Variants in C19orf47 observed in about 807,000 individuals in gnomAD.
C19orf47 encodes uncharacterized protein C19orf47.
A neutral mutation model predicts 32.3 loss-of-function variants in C19orf47; 18 were observed. The ratio of observed to expected loss-of-function variants is 0.56; its 90% CI spans 0.39 to 0.83. The LOEUF (loss-of-function observed/expected upper bound fraction) is 0.83. C19orf47 is among the 40% of genes least tolerant of loss of function. The probability of loss-of-function intolerance (pLI) is 0.00; values close to 1 mark genes in which losing one functional copy is unlikely to be tolerated. For missense variants in C19orf47, 484 were observed against 531.6 expected (o/e 0.91, Z 0.88); for synonymous variants, 202 against 211.1 (o/e 0.96, Z 0.37).
At chr19:40,328,649 CTGAA>C (rs2077886210) in intron 5 of C19orf47, 99 bp from the exon 6 acceptor site, 1 of 1,442,570 alleles carries the variant, frequency 6.9e-7, no homozygotes, top group African/African-American at 1.4e-5. Flanking sequence ...AGGCTTGAGA[CTGAA>C]TGAGAAGGTC....
At chr19:40,309,282 C>T in the C19orf47 span, among the ~76,000 whole-genome samples, 1 of 151,480 alleles carries the variant, frequency 6.6e-6, no homozygotes, top group Non-Finnish European at 1.5e-5. Context: ...ACCTCCAACT[C>T]CCAGGTTCAA....
At chr19:40,295,162 C>G in the C19orf47 span, among the ~76,000 whole-genome samples, 1 of 152,200 alleles carries the variant, frequency 6.6e-6, no homozygotes, top group South Asian at 2.1e-4. Context: ...GCTGGGATTA[C>G]AGGTGCCTGC....
At chr19:40,293,309 C>A in the C19orf47 span, among the ~76,000 whole-genome samples, 2 of 151,264 alleles carry the variant, frequency 1.3e-5, no homozygotes, top group African/African-American at 2.4e-5. Flanking sequence ...CCACGCCTGG[C>A]CAATTTTTAT....
intron 4 of C19orf47, among the ~76,000 whole-genome samples, chr19:40,335,097 G>A (rs1407025344): frequency 6.6e-6 from 1 of 151,920 alleles, no homozygotes; most frequent in Non-Finnish European, 1.5e-5. Context: ...GCAGGCCACA[G>A]CAAGTGCTTG....
Position 40,319,774 on chromosome 19 carries a change from G to C in C19orf47, c.*2108C>G, listed in dbSNP as rs2077690932. The C allele has an allele frequency of 6.5e-6, 1 of 153,608 alleles. No homozygotes were observed. Among genetic ancestry groups the C allele is most frequent in the Non-Finnish European group, 1.5e-5 (1 of 68,098 alleles). The allele number at this position is 153,608 out of a possible 1,614,324, so 9.5% of individuals were successfully genotyped here. A position where few individuals can be genotyped will look rare whatever the true frequency, so the allele number is the denominator to read the frequency against. Reference sequence around the variant, plus strand: ...GCTGGTCTCGAACTCCTGACCTTGTGATCCACCCGCCTTGGCCTCCCAAAC... The same window carrying C: ...GCTGGTCTCGAACTCCTGACCTTGTCATCCACCCGCCTTGGCCTCCCAAAC... On this transcript the variant is annotated 3_prime_UTR_variant, in exon 9 of 9. Coordinates refer to ENST00000683109, the MANE Select transcript of C19orf47 (RefSeq NM_001256441.2).
chr19:40,315,740 A>G (rs188561357), downstream of C19orf47, among the ~76,000 whole-genome samples: 38 of 151,636 alleles, frequency 2.5e-4, no homozygotes, highest in African/African-American at 9.2e-4. Context: ...AGATCACCCC[A>G]CTGCACTCCA....
chr19:40,325,464 CA>C (rs2077810160), intron 7 of C19orf47, among the ~76,000 whole-genome samples: 1 of 151,508 alleles, frequency 6.6e-6, no homozygotes, highest in Non-Finnish European at 1.5e-5. Context: ...CCCCTCTCTA[CA>C]AAAAATACAA....
chr19:40,328,330 A>T, intron 6 of C19orf47, 83 bp downstream of exon 6: 1 of 1,564,552 alleles, frequency 6.4e-7, no homozygotes, highest in Non-Finnish European at 8.6e-7. Context: ...GCACCTTACA[A>T]TATTGGAAGC....
At chr19:40,346,483 AAAT>A (rs1475783139) in intron 1 of C19orf47, among the ~76,000 whole-genome samples, 1 of 144,632 alleles carries the variant, frequency 6.9e-6, no homozygotes, top group African/African-American at 2.5e-5. Context: ...ATAAATAAAT[AAAT>A]AATAAAAATA....
chr19:40,298,416 A>C, the C19orf47 span, among the ~76,000 whole-genome samples: 1 of 152,208 alleles, frequency 6.6e-6, no homozygotes, highest in Non-Finnish European at 1.5e-5. Flanking sequence ...TTAAATATCC[A>C]GGTCATTTCC....
the C19orf47 span, among the ~76,000 whole-genome samples, chr19:40,312,517 C>G: frequency 6.6e-6 from 1 of 151,954 alleles, no homozygotes; most frequent in South Asian, 2.1e-4. Context: ...TGCACTCCAG[C>G]CTGGGCGACA....
rs1179392843 is a variant in C19orf47, at chr19:40,326,353, C to T, written c.573G>A (p.Glu191=). 3.1e-6 allele frequency: 5 copies of T among 1,614,204 alleles called. No individual in the cohort carries two copies. In the South Asian group the frequency reaches 5.5e-5, roughly 18 times the overall value. ...CAGTACCTTTTGCAGCCTGCTGCTG[C>T]TCCAGGATCTTGCGGGTGCGGGGTG... The part of the protein sequence containing the change: ...GTTPRTRKIL[E]QQQAAKGLHR... Residue 191 remains glutamate, a synonymous_variant, in exon 7 of 9, where the codon GAG becomes GAA. Coordinates refer to ENST00000683109, the MANE Select transcript of C19orf47 (RefSeq NM_001256441.2).
At chr19:40,313,704 G>A in the C19orf47 span, among the ~76,000 whole-genome samples, 1 of 152,134 alleles carries the variant, frequency 6.6e-6, no homozygotes, top group Non-Finnish European at 1.5e-5. Context: ...TTGTCACTGG[G>A]TATGATGGCT....
chr19:40,297,701 GA>G, the C19orf47 span, among the ~76,000 whole-genome samples: 1,744 of 110,704 alleles, frequency 0.016, 30 homozygotes, highest in African/African-American at 0.077. Context: ...CTCCGTCTCG[GA>G]AAAAAAAAAA....
intron 7 of C19orf47, among the ~76,000 whole-genome samples, chr19:40,325,774 A>G (rs558884349): frequency 6.6e-6 from 1 of 152,326 alleles, no homozygotes; most frequent in East Asian, 1.9e-4. Flanking sequence ...ATGTTTCTGT[A>G]TCATCTGAAA....
chr19:40,336,635 G>A (rs1188638520), intron 2 of C19orf47, among the ~76,000 whole-genome samples: 3 of 152,132 alleles, frequency 2.0e-5, no homozygotes, highest in African/African-American at 7.2e-5. Flanking sequence ...GGGAAAGGTT[G>A]GGCAACCCAC....
chr19:40,292,975 C>T, the C19orf47 span, among the ~76,000 whole-genome samples: 1 of 152,038 alleles, frequency 6.6e-6, no homozygotes, highest in Non-Finnish European at 1.5e-5. Flanking sequence ...TTTTATTCAC[C>T]ATACACCTCC....
At chr19:40,300,301 C>T in the C19orf47 span, among the ~76,000 whole-genome samples, 76 of 151,554 alleles carry the variant, frequency 5.0e-4, no homozygotes, top group African/African-American at 1.8e-3. Flanking sequence ...CCCGTCTCTA[C>T]TAAAAATACA....
At chr19:40,322,510 T>A in intron 8 of C19orf47, 134 bp from the exon 9 acceptor site, 1 of 1,162,428 alleles carries the variant, frequency 8.6e-7, no homozygotes, top group Non-Finnish European at 1.2e-6. Context: ...CCCCAGATAG[T>A]GGCGAGAGCC....
Sources: allele counts gnomAD v4.1 joint callset (sites outside exome capture counted in the v4.1 genomes callset), GRCh38; gene constraint gnomAD v4.1.1; transcripts MANE v1.5; gene names NCBI Gene and HGNC (gene_info 2026-07-23, HGNC 2026-07-21).